The following MCM3AP variants were observed in gnomAD, a reference collection of about 807,000 sequenced individuals.
MCM3AP encodes the protein germinal-center associated nuclear protein.
In MCM3AP, 126 loss-of-function variants were observed where a neutral mutation model predicts 184.1. The ratio of observed to expected loss-of-function variants is 0.68; its 90% CI spans 0.59 to 0.79. The LOEUF is 0.79. MCM3AP is among the 30% of genes least tolerant of loss of function. The pLI is 0.00. For missense variants in MCM3AP, 2,496 were observed against 2,479.2 expected, an observed-to-expected ratio of 1.01 and a Z score of -0.14; for synonymous variants, 1,002 against 979.3, an observed-to-expected ratio of 1.02 and a Z score of -0.43.
At chr21:46,270,374 C>T in intron 9 of MCM3AP, 27 bp downstream of exon 9, 2 of 1,588,208 alleles carry the variant, frequency 1.3e-6, no homozygotes, top group Non-Finnish European at 1.7e-6. Flanking sequence ...TTTCTTCCAA[C>T]TCTGCAAGCA....
At chr21:46,261,745 A>G (rs1210516898) in intron 13 of MCM3AP, among the ~76,000 whole-genome samples, 2 of 151,890 alleles carry the variant, frequency 1.3e-5, no homozygotes, top group Non-Finnish European at 2.9e-5. Context: ...AAAAAAAAAA[A>G]AAAAGAAAGA....
chr21:46,264,332 G>C (rs1325784349), intron 12 of MCM3AP, 115 bp from the exon 13 acceptor site: 5 of 646,486 alleles, frequency 7.7e-6, no homozygotes, highest in Middle Eastern at 8.7e-4. Context: ...CACAACCCCT[G>C]ACACGGGGTC....
Position 46,261,354 on chromosome 21 carries a change from C to T in MCM3AP, c.3393G>A (p.Arg1131=), listed in dbSNP as rs896335634. 9 of 1,614,146 alleles carry T rather than the reference C, an allele frequency of 5.6e-6. No homozygotes were observed. The highest frequency in any genetic ancestry group is 7.6e-6 in the Non-Finnish European group (9 of 1,180,018). ...LLTAATTGIL[R]HIAAEEVSKE... is the part of the protein sequence containing the mutation. ...TAGACACTTCTTCAGCTGCAATGTGCCTCAAAATGCCCGTGGTTGCAGCTG... is the reference window on the plus strand; with the variant it reads ...TAGACACTTCTTCAGCTGCAATGTGTCTCAAAATGCCCGTGGTTGCAGCTG... Residue 1131 remains arginine (R), a synonymous_variant, in exon 14 of 28, where the codon AGG becomes AGA. Transcript: ENST00000291688.
chr21:46,242,798 T>C lies in MCM3AP; in HGVS notation c.5426+4A>G. 14 of 1,604,526 alleles carry C rather than the reference T, an allele frequency of 8.7e-6. No individual in the cohort carries two copies. Among genetic ancestry groups the C allele is most frequent in the Non-Finnish European group, 1.1e-5 (13 of 1,176,910 alleles). On this transcript the variant is annotated splice_donor_region_variant and intron_variant, in intron 25 of 27. Coordinates refer to ENST00000291688, the MANE Select transcript of MCM3AP (RefSeq NM_003906.5). ...AACAGAAACATACTGAACATGAACCTCACCGTCCCTCTCTCAGCTGTAGCT... is the reference window on the plus strand; with the variant it reads ...AACAGAAACATACTGAACATGAACCCCACCGTCCCTCTCTCAGCTGTAGCT...
Position 46,246,721 on chromosome 21 carries a change from G to C in MCM3AP, c.4456C>G (p.Leu1486Val). 6.2e-7 allele frequency: 1 copy of C among 1,614,242 alleles called. No individual in the cohort carries two copies. Among genetic ancestry groups the C allele is most frequent in the South Asian group, 1.1e-5 (1 of 91,088 alleles). The change falls in exon 21 of 28, where the codon CTC (leucine) becomes GTC (valine). Residue 1486 changes from leucine to valine, a missense_variant. This residue lies in a region of MCM3AP where 1,323 missense variants were observed against 1,273.4 expected (regional missense o/e 1.04). Coordinates refer to ENST00000291688, the MANE Select transcript of MCM3AP (RefSeq NM_003906.5). ...WLSALLQLKQ[L>V]LQAKPFQPAL... ...GGCTGGAAGGGCTTAGCCTGCAGGA[G>C]CTGCTTGAGCTGCAGCAAGGCCGAC...
intron 5 of MCM3AP, among the ~76,000 whole-genome samples, chr21:46,275,816 A>C (rs1275277521): frequency 6.6e-6 from 1 of 152,252 alleles, no homozygotes; most frequent in East Asian, 1.9e-4. Context: ...TTAATATAAG[A>C]ATCATATAAT....
chr21:46,250,784 C>G (rs2123849626), intron 20 of MCM3AP: 2 of 152,340 alleles, frequency 1.3e-5, no homozygotes, highest in East Asian at 3.9e-4. Context: ...ATTCCTGACC[C>G]ACAGATACCA....
chr21:46,239,750 T>C (rs2080618349), intron 26 of MCM3AP, among the ~76,000 whole-genome samples: 1 of 151,990 alleles, frequency 6.6e-6, no homozygotes, highest in South Asian at 2.1e-4. Flanking sequence ...CTGGATGAAA[T>C]TTCTGAGGAG....
rs140386726 is a variant in MCM3AP at position 46,274,915 on chromosome 21, G to A, written c.1998+271C>T. Among the ~76,000 whole-genome samples, 637 of 141,720 alleles carry A rather than the reference G, an allele frequency of 4.5e-3. 8 individuals are homozygous for A. Among genetic ancestry groups the A allele is most frequent in the African/African-American group, 0.016 (596 of 37,884 alleles). 93.0% of individuals were successfully genotyped at this position (141,720 alleles called of 152,430 possible). ...GATTGGACCACTGCACTTCAGCCTA[G>A]GTGACAGAGTGAGACCCTGTCTCAA... is the stretch of plus-strand genomic sequence containing the variant. On this transcript the variant is annotated intron_variant, in intron 6 of 27. Coordinates refer to ENST00000291688, the MANE Select transcript of MCM3AP (RefSeq NM_003906.5).
intron 4 of MCM3AP, 126 bp downstream of exon 4, chr21:46,279,867 A>C: frequency 1.2e-6 from 1 of 859,034 alleles, no homozygotes; most frequent in Non-Finnish European, 1.7e-6. Context: ...ACCCCCAACC[A>C]TCCCTAGCAA....
intron 17 of MCM3AP, chr21:46,256,519 TGCAGAGTCAGACTCAGGCACCAGGAC>T: frequency 2.0e-6 from 1 of 510,148 alleles, no homozygotes; most frequent in Non-Finnish European, 3.5e-6. Flanking sequence ...GAACACGTGA[TGCAGAGTCAGACTCAGGCACCAGGAC>T]GCTGAGTCTT....
At chr21:46,278,025 C>T (rs2081277682) in intron 4 of MCM3AP, among the ~76,000 whole-genome samples, 1 of 152,082 alleles carries the variant, frequency 6.6e-6, no homozygotes, top group African/African-American at 2.4e-5. Context: ...GTGGCATGTG[C>T]CTCTAGTCCC....
chr21:46,236,786 C>CT (rs752817548), intron 27 of MCM3AP, 43 bp downstream of exon 27: 17 of 1,386,284 alleles, frequency 1.2e-5, no homozygotes, highest in African/African-American at 1.5e-5. Context: ...TTCTCTCAAT[C>CT]TTTAATTCTT....
At chr21:46,272,917 C>CA in intron 7 of MCM3AP, 88 bp from the exon 8 acceptor site, 1 of 1,299,594 alleles carries the variant, frequency 7.7e-7, no homozygotes, top group Non-Finnish European at 1.1e-6. Context: ...CTCAATTTCT[C>CA]ACTTTTCAAT....
In MCM3AP at chr21:46,284,108, C is replaced by G; in HGVS notation, c.1179G>C (p.Val393=). 2 of 1,613,926 alleles carry G rather than the reference C, an allele frequency of 1.2e-6. No homozygotes were observed. The highest frequency in any genetic ancestry group is 1.7e-6 in the Non-Finnish European group (2 of 1,179,918). The change falls in exon 1 of 28, where the codon GTG becomes GTC. Residue 393 remains valine (V), a synonymous_variant. Coordinates refer to ENST00000291688, the MANE Select transcript of MCM3AP (RefSeq NM_003906.5). ...SVLAPSRIPG[V]NKEEETESRE... is the part of the protein sequence containing the mutation. ...TACTTTCAGTTTCTTCCTCTTTATT[C>G]ACACCTGGAATCCGGGAAGGTGCCA...
Position 46,285,257 on chromosome 21 carries a change from C to G in MCM3AP, c.30G>C (p.Gln10His). MNPTNPFSG[Q>H]QPSAFSASSS... Reference sequence around the variant, plus strand: ...AAGACGCCGAAAAAGCACTAGGCTGCTGCCCACTGAAAGGATTAGTTGGGT... The same window carrying G: ...AAGACGCCGAAAAAGCACTAGGCTGGTGCCCACTGAAAGGATTAGTTGGGT... The change falls in exon 1 of 28, where the codon CAG (glutamine) becomes CAC (histidine). Residue 10 changes from glutamine (Q) to histidine (H), a missense_variant. Physicochemically the swap from Gln to His is conservative, Grantham distance 24. Transcript: ENST00000291688. 6.2e-7 allele frequency: 1 copy of G among 1,613,920 alleles called. No individual in the cohort carries two copies.
chr21:46,245,277 A>G, intron 22 of MCM3AP, 80 bp from the exon 23 acceptor site: 2 of 1,412,784 alleles, frequency 1.4e-6, no homozygotes, highest in Non-Finnish European at 1.9e-6. Context: ...TGATCCCCCA[A>G]GGTTGCCCAC....
At chr21:46,275,436 AT>A in intron 5 of MCM3AP, 111 bp from the exon 6 acceptor site, 1 of 894,722 alleles carries the variant, frequency 1.1e-6, no homozygotes, top group Non-Finnish European at 1.6e-6. Flanking sequence ...ACACACACAC[AT>A]TACAAAAGAA....
rs2081194537 is a variant in MCM3AP at position 46,272,563 on chromosome 21, T to G, written c.2463A>C (p.Leu821=). The G allele has an allele frequency of 6.2e-7, 1 of 1,612,796 alleles. No homozygotes were observed. Among genetic ancestry groups the G allele is most frequent in the South Asian group, 1.1e-5 (1 of 90,990 alleles). Residue 821 remains leucine (L), a splice_region_variant and synonymous_variant, in exon 8 of 28, where the codon CTA becomes CTC. Transcript: ENST00000291688. ...VLLSLNKGDI[L]REVQQFHPAV... is the part of the protein sequence containing the mutation. ...AACTTTTGGATGTGAAAATTCACCT[T>G]AGGATGTCTCCCTTGTTGAGACTGA...
Sources: allele counts gnomAD v4.1 joint callset (sites outside exome capture counted in the v4.1 genomes callset), GRCh38; gene constraint gnomAD v4.1.1; regional missense constraint gnomAD v4.1.1; transcripts MANE v1.5; gene names NCBI Gene and HGNC (gene_info 2026-07-23, HGNC 2026-07-21).